Variants in LRP5 observed in about 807,000 individuals in gnomAD.
LRP5 encodes low-density lipoprotein receptor-related protein 5.
In LRP5, 62 loss-of-function variants were observed where a neutral mutation model predicts 154.1. The observed-to-expected ratio is 0.40, with a 90% CI of 0.33 to 0.50. LRP5 has a LOEUF of 0.50. Ranked by LOEUF, LRP5 falls within the 20% of genes least tolerant of loss-of-function variation. The pLI is 0.55. For synonymous variants in LRP5, 966 were observed against 1,011.5 expected, an observed-to-expected ratio of 0.96 and a Z score of 0.85; for missense variants, 1,915 against 2,336.7, an observed-to-expected ratio of 0.82 and a Z score of 3.72.
the LRP5 span, among the ~76,000 whole-genome samples, chr11:68,302,663 T>G: frequency 4.6e-4 from 70 of 152,310 alleles, no homozygotes; most frequent in African/African-American, 1.4e-3. Context: ...TGTCCCTCTC[T>G]TGTTCATCTC....
intron 6 of LRP5, among the ~76,000 whole-genome samples, chr11:68,387,404 C>G (rs566384386): frequency 6.6e-6 from 1 of 151,740 alleles, no homozygotes; most frequent in Non-Finnish European, 1.5e-5. Context: ...CATGAGCCAC[C>G]ACGCCCGGTC....
rs541243999 is a variant in LRP5, at chr11:68,415,677, G to A, written c.2828-651G>A. On this transcript the variant is annotated intron_variant, in intron 12 of 22. Coordinates refer to ENST00000294304, the MANE Select transcript of LRP5 (RefSeq NM_002335.4). Reference sequence around the variant, plus strand: ...GGAGAATCGCTTGAACTTGGGAGGTGGAAGTTTCAAGTGAGCTCATTTTGT... The same window carrying A: ...GGAGAATCGCTTGAACTTGGGAGGTAGAAGTTTCAAGTGAGCTCATTTTGT... 9.9e-3 allele frequency among the ~76,000 whole-genome samples: 478 copies of A among 48,282 alleles called. 87 individuals are homozygous for A. Among genetic ancestry groups the A allele is most frequent in the Middle Eastern group, 0.023 (2 of 88 alleles). The allele number at this position is 48,282 out of a possible 152,430, so 31.7% of individuals were successfully genotyped here.
upstream of LRP5, among the ~76,000 whole-genome samples, chr11:68,309,184 C>T (rs185209976): frequency 9.5e-4 from 144 of 151,834 alleles, 1 homozygote; most frequent in East Asian, 0.024. Context: ...CCACCCACCT[C>T]GGCCTCCCAA....
chr11:68,399,670 G>A (rs535139586), intron 7 of LRP5, among the ~76,000 whole-genome samples: 6 of 152,292 alleles, frequency 3.9e-5, no homozygotes, highest in African/African-American at 1.2e-4. Context: ...GTCCCCTGAC[G>A]CCCAGAGGCT....
At chr11:68,401,362 G>A (rs1162310018) in intron 7 of LRP5, among the ~76,000 whole-genome samples, 6 of 152,206 alleles carry the variant, frequency 3.9e-5, no homozygotes, top group East Asian at 1.9e-4. Context: ...TTCCAGGCAC[G>A]GTCGCAGGGG....
chr11:68,306,724 C>T, the LRP5 span, among the ~76,000 whole-genome samples: 1 of 152,240 alleles, frequency 6.6e-6, no homozygotes, highest in African/African-American at 2.4e-5. Context: ...GTGGACCAGA[C>T]TACTTAGTTT....
intron 1 of LRP5, among the ~76,000 whole-genome samples, chr11:68,324,696 T>A (rs2098598630): frequency 6.6e-6 from 1 of 152,276 alleles, no homozygotes; most frequent in Admixed American, 6.5e-5. Context: ...CTGCTCATCG[T>A]CCAGCTGTGC....
At chr11:68,419,822 G>A (rs1253098657) in intron 13 of LRP5, among the ~76,000 whole-genome samples, 3 of 151,974 alleles carry the variant, frequency 2.0e-5, no homozygotes, top group Admixed American at 6.6e-5. Flanking sequence ...GATTACAGGT[G>A]TGAGCCACCG....
At chr11:68,362,949 CTG>C (rs907941682) in intron 3 of LRP5, among the ~76,000 whole-genome samples, 7 of 151,724 alleles carry the variant, frequency 4.6e-5, no homozygotes, top group South Asian at 4.1e-4. Context: ...GCAAATAAAA[CTG>C]CACATTACCG....
chr11:68,417,069 A>G (rs1239381383), intron 13 of LRP5, among the ~76,000 whole-genome samples: 1 of 152,360 alleles, frequency 6.6e-6, no homozygotes, highest in Admixed American at 6.5e-5. Flanking sequence ...GGTTAGCTAT[A>G]TCCCACAATA....
In LRP5 at chr11:68,413,587, G is replaced by T. The variant is rs182553220; in HGVS notation, c.2504-102G>T. 9.8e-7 allele frequency: 1 copy of T among 1,020,776 alleles called. No individual in the cohort carries two copies. The highest frequency in any genetic ancestry group is 1.7e-5 in the Admixed American group (1 of 57,504). The allele number at this position is 1,020,776 out of a possible 1,614,324, so 63.2% of individuals were successfully genotyped here. A position where few individuals can be genotyped will look rare whatever the true frequency, so the allele number is the denominator to read the frequency against. ...AACACTTTAAGGCATTCATGTGGTC[G>T]CTAGGCTGCAGGGTTGAACCCTGGC... On this transcript the variant is annotated intron_variant, in intron 11 of 22. Transcript: ENST00000294304. The surrounding 1 kb of genome is among the most constrained non-coding windows in gnomAD (Gnocchi z 5.1).
At chr11:68,376,625 G>A (rs1229221745) in intron 5 of LRP5, among the ~76,000 whole-genome samples, 1 of 152,236 alleles carries the variant, frequency 6.6e-6, no homozygotes, top group South Asian at 2.1e-4. Context: ...TGTATACCGG[G>A]GTGGCCTTGC....
upstream of LRP5, among the ~76,000 whole-genome samples, chr11:68,310,426 C>A (rs2098587037): frequency 6.6e-6 from 1 of 152,150 alleles, no homozygotes; most frequent in Non-Finnish European, 1.5e-5. Context: ...TCAAGACCAG[C>A]CAGACCAACA....
intron 5 of LRP5, among the ~76,000 whole-genome samples, chr11:68,371,302 G>C (rs1024241722): frequency 7.9e-5 from 12 of 152,212 alleles, no homozygotes; most frequent in African/African-American, 2.9e-4. Flanking sequence ...GGATGGGCGA[G>C]AAACGGCTTT....
chr11:68,403,736 G>A (rs1427297830), intron 8 of LRP5, 37 bp downstream of exon 8: 2 of 1,610,554 alleles, frequency 1.2e-6, no homozygotes, highest in Non-Finnish European at 1.7e-6. Flanking sequence ...GCTCAGCCAT[G>A]CAGACTTGCA....
At chr11:68,363,655 TCAA>T in intron 3 of LRP5, 89 bp from the exon 4 acceptor site, 1 of 1,023,570 alleles carries the variant, frequency 9.8e-7, no homozygotes, top group Non-Finnish European at 1.5e-6. Flanking sequence ...AGACTCCATC[TCAA>T]AAAAAAAAAA....
chr11:68,426,396 G>A (rs562093889), intron 16 of LRP5, among the ~76,000 whole-genome samples: 3 of 150,886 alleles, frequency 2.0e-5, no homozygotes, highest in Non-Finnish European at 3.0e-5. Context: ...AAATCACCAC[G>A]AACAGCGTTT....
intron 7 of LRP5, among the ~76,000 whole-genome samples, chr11:68,392,135 C>G (rs1409437299): frequency 1.3e-5 from 2 of 152,144 alleles, no homozygotes; most frequent in Non-Finnish European, 2.9e-5. Context: ...AGGCATCAGC[C>G]GTCACACGCA....
intron 1 of LRP5, among the ~76,000 whole-genome samples, chr11:68,328,884 T>G (rs1368061894): frequency 1.3e-5 from 2 of 152,054 alleles, no homozygotes; most frequent in African/African-American, 4.8e-5. Context: ...GGCGCAGAGG[T>G]AGAGTTGGTG....
Sources: allele counts gnomAD v4.1 joint callset (sites outside exome capture counted in the v4.1 genomes callset), GRCh38; gene constraint gnomAD v4.1.1; non-coding constraint Gnocchi (gnomAD v3.1); transcripts MANE v1.5; gene names NCBI Gene and HGNC (gene_info 2026-07-23, HGNC 2026-07-21).